OR52A1: variants seen among roughly 807,000 people sequenced by gnomAD.
OR52A1 encodes the protein olfactory receptor 52A1.
A neutral mutation model predicts 14.3 loss-of-function variants in OR52A1; 14 were observed. The observed-to-expected ratio is 0.98, with a 90% CI of 0.65 to 1.54. The LOEUF (loss-of-function observed/expected upper bound fraction) is 1.54. Ranked by LOEUF, OR52A1 falls within the 40% of genes most tolerant of loss-of-function variation. OR52A1 has a pLI of 0.00. For missense variants in OR52A1, 405 were observed against 381.3 expected (o/e 1.06, Z -0.52); for synonymous variants, 151 against 135.3 (o/e 1.12, Z -0.80).
In OR52A1 at chr11:5,149,145, G is replaced by A. The variant is rs942170567; in HGVS notation, c.*2286C>T. On this transcript the variant is annotated 3_prime_UTR_variant, in exon 2 of 2. Transcript: ENST00000380367. Reference sequence around the variant, plus strand: ...CTGGTTATCCTCTTTTCCTTGTAATGACCTATTTGTTTCTTCTGTTTTCTA... The same window carrying A: ...CTGGTTATCCTCTTTTCCTTGTAATAACCTATTTGTTTCTTCTGTTTTCTA... 6.6e-6 allele frequency: 1 copy of A among 152,066 alleles called. No individual in the cohort carries two copies. The highest frequency in any genetic ancestry group is 2.4e-5 in the African/African-American group (1 of 41,408). 9.4% of individuals were successfully genotyped at this position (152,066 alleles called of 1,614,324 possible).
Position 5,151,714 on chromosome 11 carries a change from A to G in OR52A1, c.656T>C (p.Leu219Ser), listed in dbSNP as rs541228226. 6.2e-7 allele frequency: 1 copy of G among 1,614,196 alleles called. No individual in the cohort carries two copies. The highest frequency in any genetic ancestry group is 2.2e-5 in the East Asian group (1 of 44,892). The change falls in exon 2 of 2, where the codon TTG becomes TCG. Residue 219 changes from leucine (L) to serine (S), a missense_variant. By Grantham distance (145) the Leu-to-Ser change is moderately radical. Coordinates refer to ENST00000380367, the MANE Select transcript of OR52A1 (RefSeq NM_012375.3). The stretch of plus-strand genomic sequence containing the variant: ...TGTGATAAATATCTGGATGTAGGAC[A>G]ATGTGATGAATGTGAGGTCAAATCC... ...VAGFDLTFITLSYIQIFITVF... is the reference protein window; with the variant it reads ...VAGFDLTFITSSYIQIFITVF...
Position 5,152,672 on chromosome 11 carries a change from C to A in OR52A1, c.-303G>T. 3.8e-6 allele frequency: 1 copy of A among 265,028 alleles called. No individual in the cohort carries two copies. The highest frequency in any genetic ancestry group is 7.7e-6 in the Non-Finnish European group (1 of 130,476). 16.4% of individuals were successfully genotyped at this position (265,028 alleles called of 1,614,324 possible). A position where few individuals can be genotyped will look rare whatever the true frequency, so the allele number is the denominator to read the frequency against. Reference sequence around the variant, plus strand: ...ACAGGGGATTGGACTACTGGCCAGTCTGTTATTTCTTTCCAGACCTGTGGA... The same window carrying A: ...ACAGGGGATTGGACTACTGGCCAGTATGTTATTTCTTTCCAGACCTGTGGA... On this transcript the variant is annotated 5_prime_UTR_variant, in exon 2 of 2. Coordinates refer to ENST00000380367, the MANE Select transcript of OR52A1 (RefSeq NM_012375.3).
rs1192804889 is a variant in OR52A1, at chr11:5,151,914, G to A, written c.456C>T (p.Leu152=). The stretch of plus-strand genomic sequence containing the variant: ...ATGGGGCTACAAGAATAGCAGCCCT[G>A]AGTACGACCATAGTTCCTATCTGAA... ...LVIQIGTMVV[L]RAAILVAPCL... Residue 152 remains leucine, a synonymous_variant, in exon 2 of 2, where the codon CTC becomes CTT. Coordinates refer to ENST00000380367, the MANE Select transcript of OR52A1 (RefSeq NM_012375.3). 7.4e-6 allele frequency: 12 copies of A among 1,614,098 alleles called. No individual in the cohort carries two copies. Among genetic ancestry groups the A allele is most frequent in the Admixed American group, 1.7e-5 (1 of 60,016 alleles).
chr11:5,150,758 C>T lies in OR52A1; in HGVS notation c.*673G>A, dbSNP rs1429031997. On this transcript the variant is annotated 3_prime_UTR_variant, in exon 2 of 2. Coordinates refer to ENST00000380367, the MANE Select transcript of OR52A1 (RefSeq NM_012375.3). Reference sequence around the variant, plus strand: ...CACTGTGCCAGATTTACTATTATGTCACGATTCTGTAGTATAGTATTTTTA... The same window carrying T: ...CACTGTGCCAGATTTACTATTATGTTACGATTCTGTAGTATAGTATTTTTA... 1 of 151,734 alleles carries T rather than the reference C, an allele frequency of 6.6e-6. No homozygotes were observed. Among genetic ancestry groups the T allele is most frequent in the Non-Finnish European group, 1.5e-5 (1 of 67,976 alleles). 9.4% of individuals were successfully genotyped at this position (151,734 alleles called of 1,614,324 possible). A position where few individuals can be genotyped will look rare whatever the true frequency, so the allele number is the denominator to read the frequency against.
Position 5,152,519 on chromosome 11 carries a change from T to G in OR52A1, c.-150A>C. ...AAATCATCCATCTTATTCACAGTTT[T>G]GAAAGGAAAAGATGGATTCATGGAG... is the stretch of plus-strand genomic sequence containing the variant. On this transcript the variant is annotated 5_prime_UTR_variant, in exon 2 of 2. Coordinates refer to ENST00000380367, the MANE Select transcript of OR52A1 (RefSeq NM_012375.3). 3.2e-6 allele frequency: 2 copies of G among 622,094 alleles called. No homozygotes were observed. The highest frequency in any genetic ancestry group is 2.8e-5 in the East Asian group (1 of 36,046). 38.5% of individuals were successfully genotyped at this position (622,094 alleles called of 1,614,324 possible). A position where few individuals can be genotyped will look rare whatever the true frequency, so the allele number is the denominator to read the frequency against.
Position 5,151,598 on chromosome 11 carries a change from CAAG to C in OR52A1, c.769_771del (p.Leu257del), listed in dbSNP as rs933417268. On this transcript the variant is annotated inframe_deletion, in exon 2 of 2. Transcript: ENST00000380367. ...CTATGTGTGAAGAAGGAGAAGAAGGCAAGGAGGTAGAACTGGAGGAAGACACAG... is the reference window on the plus strand; with the variant it reads ...CTATGTGTGAAGAAGGAGAAGAAGGCGAGGTAGAACTGGAGGAAGACACAG... 1 of 1,613,914 alleles carries C rather than the reference CAAG, an allele frequency of 6.2e-7. No homozygotes were observed. The highest frequency in any genetic ancestry group is 1.3e-5 in the African/African-American group (1 of 74,908).
rs976191156 is a variant in OR52A1, at chr11:5,150,394, C to G, written c.*1037G>C. On this transcript the variant is annotated 3_prime_UTR_variant, in exon 2 of 2. Coordinates refer to ENST00000380367, the MANE Select transcript of OR52A1 (RefSeq NM_012375.3). Reference sequence around the variant, plus strand: ...CCTTGTCTCCCCAAGTTCTACCTTGCACTCATACCATATTGAAAAAACTAG... The same window carrying G: ...CCTTGTCTCCCCAAGTTCTACCTTGGACTCATACCATATTGAAAAAACTAG... 6.6e-6 allele frequency: 1 copy of G among 152,190 alleles called. No individual in the cohort carries two copies. Among genetic ancestry groups the G allele is most frequent in the African/African-American group, 2.4e-5 (1 of 41,446 alleles). The allele number at this position is 152,190 out of a possible 1,614,324, so 9.4% of individuals were successfully genotyped here. A position where few individuals can be genotyped will look rare whatever the true frequency, so the allele number is the denominator to read the frequency against.
intron 1 of OR52A1, among the ~76,000 whole-genome samples, chr11:5,153,150 G>A (rs1257242577): frequency 3.3e-5 from 5 of 152,184 alleles, no homozygotes; most frequent in Non-Finnish European, 5.9e-5. Context: ...AGAAGGAACT[G>A]CTAAGGGACA....
In OR52A1 at chr11:5,151,208, A is replaced by G. The variant is rs1468602999; in HGVS notation, c.*223T>C. The G allele has an allele frequency of 2.5e-6, 1 of 399,488 alleles. No homozygotes were observed. The highest frequency in any genetic ancestry group is 4.1e-5 in the Admixed American group (1 of 24,536). 24.7% of individuals were successfully genotyped at this position (399,488 alleles called of 1,614,324 possible). Reference sequence around the variant, plus strand: ...GGGGCTAAAGAATAAAAGAGAAAAAATAATATATATTCACTACTTCACTCA... The same window carrying G: ...GGGGCTAAAGAATAAAAGAGAAAAAGTAATATATATTCACTACTTCACTCA... On this transcript the variant is annotated 3_prime_UTR_variant, in exon 2 of 2. Transcript: ENST00000380367.
Position 5,148,678 on chromosome 11 carries a change from T to C in OR52A1, c.*2753A>G, listed in dbSNP as rs1846510067. 6.6e-6 allele frequency: 1 copy of C among 152,096 alleles called. No homozygotes were observed. The highest frequency in any genetic ancestry group is 2.1e-4 in the South Asian group (1 of 4,826). 9.4% of individuals were successfully genotyped at this position (152,096 alleles called of 1,614,324 possible). On this transcript the variant is annotated 3_prime_UTR_variant, in exon 2 of 2. Transcript: ENST00000380367. Reference sequence around the variant, plus strand: ...GCCTATTGGAAATCCTCTGGTAAAGTCCTGAGCAATAAAGCCCTTGGAAAT... The same window carrying C: ...GCCTATTGGAAATCCTCTGGTAAAGCCCTGAGCAATAAAGCCCTTGGAAAT...
chr11:5,152,384 T>A lies in OR52A1; in HGVS notation c.-15A>T. ...GAAATGGACATAGTGTCGTTGGGTCTCCTGATGCAAACAAAAGAAGTTTCT... is the reference window on the plus strand; with the variant it reads ...GAAATGGACATAGTGTCGTTGGGTCACCTGATGCAAACAAAAGAAGTTTCT... On this transcript the variant is annotated 5_prime_UTR_variant, in exon 2 of 2. Transcript: ENST00000380367. 6.4e-7 allele frequency: 1 copy of A among 1,550,646 alleles called. No individual in the cohort carries two copies.
Position 5,149,286 on chromosome 11 carries a change from T to C in OR52A1, c.*2145A>G, listed in dbSNP as rs1248035095. 1.3e-5 allele frequency: 2 copies of C among 152,214 alleles called. No individual in the cohort carries two copies. Among genetic ancestry groups the C allele is most frequent in the African/African-American group, 4.8e-5 (2 of 41,464 alleles). 9.4% of individuals were successfully genotyped at this position (152,214 alleles called of 1,614,324 possible). On this transcript the variant is annotated 3_prime_UTR_variant, in exon 2 of 2. Coordinates refer to ENST00000380367, the MANE Select transcript of OR52A1 (RefSeq NM_012375.3). Reference sequence around the variant, plus strand: ...TTAAAATTCGGAGATGGTGCAAATATGTTGTAGTTTCACATTGTGTCTCTT... The same window carrying C: ...TTAAAATTCGGAGATGGTGCAAATACGTTGTAGTTTCACATTGTGTCTCTT...
rs761758436 is a variant in OR52A1, at chr11:5,151,936, T to C, written c.434A>G (p.Gln145Arg). The C allele has an allele frequency of 7.4e-6, 12 of 1,613,962 alleles. No homozygotes were observed. In the African/African-American group the frequency reaches 1.3e-4, roughly 18 times the overall value. The change falls in exon 2 of 2, where the codon CAG becomes CGG. Residue 145 changes from glutamine to arginine, a missense_variant. Coordinates refer to ENST00000380367, the MANE Select transcript of OR52A1 (RefSeq NM_012375.3). ...ANIFTHQLVI[Q>R]IGTMVVLRAA... ...CCTGAGTACGACCATAGTTCCTATC[T>C]GAATGACAAGCTGGTGGGTGAAGAT...
At position 5,152,251 on chromosome 11, in the gene OR52A1, G is replaced by A. The variant is rs759588432; in HGVS notation, c.119C>T (p.Ala40Val). ...GIPFCAIYLI[A>V]MIGNSLLLSI... ...CAGAAGCAAGGAATTTCCAATCATA[G>A]CAATGAGATAAATGGCACAGAATGG... Residue 40 changes from alanine to valine, a missense_variant, in exon 2 of 2, where the codon GCT (alanine) becomes GTT (valine). By Grantham distance (64) the Ala-to-Val change is moderately conservative. Transcript: ENST00000380367. The A allele has an allele frequency of 1.2e-6, 2 of 1,614,114 alleles. No individual in the cohort carries two copies. The highest frequency in any genetic ancestry group is 1.7e-6 in the Non-Finnish European group (2 of 1,179,992).
Position 5,151,989 on chromosome 11 carries a change from GGC to G in OR52A1, c.379_380del (p.Ala127HisfsTer56). The part of the protein sequence containing the change: ...LVAMALDRYV[A>X]ICYPLRHANI... ...TGGCATGTCTTAGTGGATAACAGAT[GGC>G]CACATAACGGTCCAGGGCCATGGCC... is the stretch of plus-strand genomic sequence containing the variant. On this transcript the variant is annotated frameshift_variant, in exon 2 of 2. Coordinates refer to ENST00000380367, the MANE Select transcript of OR52A1 (RefSeq NM_012375.3). LOFTEE classifies it high-confidence loss of function. The G allele has an allele frequency of 1.2e-6, 2 of 1,614,008 alleles. No homozygotes were observed. Among genetic ancestry groups the G allele is most frequent in the African/African-American group, 2.7e-5 (2 of 75,028 alleles).
In OR52A1 at chr11:5,147,015, A is replaced by G. The variant is rs758813068; in HGVS notation, c.*4416T>C. 4.6e-5 allele frequency: 7 copies of G among 152,202 alleles called. No homozygotes were observed. Among genetic ancestry groups the G allele is most frequent in the Non-Finnish European group, 1.0e-4 (7 of 68,032 alleles). 9.4% of individuals were successfully genotyped at this position (152,202 alleles called of 1,614,324 possible). A position where few individuals can be genotyped will look rare whatever the true frequency, so the allele number is the denominator to read the frequency against. On this transcript the variant is annotated 3_prime_UTR_variant, in exon 2 of 2. Coordinates refer to ENST00000380367, the MANE Select transcript of OR52A1 (RefSeq NM_012375.3). ...CTTTAATTAAATATTTTTTTAAAGC[A>G]TTTGCACTTATGCCAGAAAAGTCTG... is the stretch of plus-strand genomic sequence containing the variant.
Position 5,152,472 on chromosome 11 carries a change from GTCT to G in OR52A1, c.-106_-104del. On this transcript the variant is annotated 5_prime_UTR_variant, in exon 2 of 2. Transcript: ENST00000380367. Reference sequence around the variant, plus strand: ...TCTCCAAACTCATTATATTGAGTCTGTCTGATTTGGGTATAACTCTAAAATCAT... The same window carrying G: ...TCTCCAAACTCATTATATTGAGTCTGGATTTGGGTATAACTCTAAAATCAT... 7.6e-6 allele frequency: 6 copies of G among 785,304 alleles called. No homozygotes were observed. Among genetic ancestry groups the G allele is most frequent in the East Asian group, 2.7e-5 (1 of 37,202 alleles). The allele number at this position is 785,304 out of a possible 1,614,324, so 48.6% of individuals were successfully genotyped here. A position where few individuals can be genotyped will look rare whatever the true frequency, so the allele number is the denominator to read the frequency against.
rs1436924348 is a variant in OR52A1, at chr11:5,151,832, A to T, written c.538T>A (p.Ser180Thr). ...QFYHTTVISH[S>T]YCEHMAIVKL... is the part of the protein sequence containing the mutation. ...ACAATGGCCATATGCTCACAGTAGG[A>T]GTGGGAGATGACTGTTGTGTGATAA... Residue 180 changes from serine (S) to threonine (T), a missense_variant, in exon 2 of 2, where the codon TCC (serine) becomes ACC (threonine). Physicochemically the swap from Ser to Thr is moderately conservative, Grantham distance 58. Transcript: ENST00000380367. 1 of 1,614,124 alleles carries T rather than the reference A, an allele frequency of 6.2e-7. No homozygotes were observed. The highest frequency in any genetic ancestry group is 2.2e-5 in the East Asian group (1 of 44,886).
chr11:5,152,095 G>A lies in OR52A1; in HGVS notation c.275C>T (p.Pro92Leu), dbSNP rs1372784474. ...KMLGIFWFNVPEIYFDSCLLQ... is the reference protein window; with the variant it reads ...KMLGIFWFNVLEIYFDSCLLQ... ...CAAGCAGGAATCAAAATAGATTTCA[G>A]GCACATTAAACCAGAATATTCCAAG... is the stretch of plus-strand genomic sequence containing the variant. Residue 92 changes from proline to leucine, a missense_variant, in exon 2 of 2, where the codon CCT becomes CTT. Physicochemically the swap from Pro to Leu is moderately conservative, Grantham distance 98. Coordinates refer to ENST00000380367, the MANE Select transcript of OR52A1 (RefSeq NM_012375.3). 1.2e-6 allele frequency: 2 copies of A among 1,614,020 alleles called. No individual in the cohort carries two copies. Among genetic ancestry groups the A allele is most frequent in the Non-Finnish European group, 1.7e-6 (2 of 1,179,960 alleles).
Sources: allele counts gnomAD v4.1 joint callset (sites outside exome capture counted in the v4.1 genomes callset), GRCh38; gene constraint gnomAD v4.1.1; transcripts MANE v1.5; gene names NCBI Gene and HGNC (gene_info 2026-07-23, HGNC 2026-07-21).